The following CACNA1E variants were observed in gnomAD, a reference collection of about 807,000 sequenced individuals.
CACNA1E encodes the protein voltage-dependent R-type calcium channel subunit alpha-1E.
CACNA1E carries 40 observed loss-of-function variants against 259.2 expected under a neutral mutation model. The ratio of observed to expected loss-of-function variants is 0.15; its 90% CI spans 0.12 to 0.20. The LOEUF is 0.20. CACNA1E is among the 10% of genes least tolerant of loss of function. The pLI, the probability that CACNA1E is intolerant of heterozygous loss-of-function variation, is 1.00. For synonymous variants in CACNA1E, 1,104 were observed against 1,138.5 expected (o/e 0.97, Z 0.61); for missense variants, 1,874 against 3,040.1 (o/e 0.62, Z 9.02).
At chr1:181,547,665 A>G (rs945745792) in intron 3 of CACNA1E, among the ~76,000 whole-genome samples, 2 of 152,256 alleles carry the variant, frequency 1.3e-5, no homozygotes, top group African/African-American at 4.8e-5. Flanking sequence ...GCTGACTGGG[A>G]TGTTGTCATC....
Position 181,733,023 on chromosome 1 carries a change from G to A in CACNA1E, c.2937G>A (p.Gln979=). Residue 979 remains glutamine, a synonymous_variant, in exon 20 of 48, where the codon CAG becomes CAA. Transcript: ENST00000367573. ...KEPTIQEERA[Q]DLRRTNSLMV... is the part of the protein sequence containing the mutation. ...CAACGATCCAAGAAGAGAGAGCCCA[G>A]GATTTAAGGAGGTGAGTGAGTCACA... 1.2e-6 allele frequency: 2 copies of A among 1,600,932 alleles called. No homozygotes were observed. Among genetic ancestry groups the A allele is most frequent in the Non-Finnish European group, 1.7e-6 (2 of 1,173,214 alleles).
chr1:181,501,385 A>C (rs560613875), intron 1 of CACNA1E, among the ~76,000 whole-genome samples: 1 of 152,308 alleles, frequency 6.6e-6, no homozygotes, highest in South Asian at 2.1e-4. Flanking sequence ...TGGTTCACCA[A>C]AGTAGCAATC....
intron 2 of CACNA1E, among the ~76,000 whole-genome samples, chr1:181,441,844 G>T (rs1660497431): frequency 6.6e-6 from 1 of 152,182 alleles, no homozygotes; most frequent in African/African-American, 2.4e-5. Context: ...AAAGGGGCCA[G>T]AGAAAGTGGC....
chr1:181,540,816 C>T (rs1248197400), intron 3 of CACNA1E, among the ~76,000 whole-genome samples: 1 of 152,186 alleles, frequency 6.6e-6, no homozygotes, highest in East Asian at 1.9e-4. Flanking sequence ...CAGGTATAAT[C>T]ATTTCTTGGA....
intron 2 of CACNA1E, among the ~76,000 whole-genome samples, chr1:181,431,233 C>G (rs1385284196): frequency 1.3e-5 from 2 of 152,024 alleles, no homozygotes; most frequent in Non-Finnish European, 2.9e-5. Flanking sequence ...GCTGAAATTG[C>G]GGAGTGAGTT....
At chr1:181,552,911 A>G (rs567856379) in intron 3 of CACNA1E, among the ~76,000 whole-genome samples, 1 of 152,308 alleles carries the variant, frequency 6.6e-6, no homozygotes, top group East Asian at 1.9e-4. Context: ...GCCTTGTAGT[A>G]TAGTTTGAAA....
intron 3 of CACNA1E, among the ~76,000 whole-genome samples, chr1:181,541,292 A>G (rs1668563129): frequency 6.6e-6 from 1 of 152,222 alleles, no homozygotes; most frequent in Non-Finnish European, 1.5e-5. Context: ...ATTTAGAAAG[A>G]AGTTGAAGCT....
At chr1:181,626,263 T>C (rs1450255450) in intron 6 of CACNA1E, among the ~76,000 whole-genome samples, 2 of 152,182 alleles carry the variant, frequency 1.3e-5, no homozygotes, top group Non-Finnish European at 2.9e-5. Flanking sequence ...TCCATAGTCT[T>C]ATTAGACTCA....
intron 7 of CACNA1E, among the ~76,000 whole-genome samples, chr1:181,671,907 A>G (rs1256180502): frequency 1.3e-5 from 2 of 152,234 alleles, no homozygotes; most frequent in African/African-American, 2.4e-5. Flanking sequence ...AGGAATATAA[A>G]TCATTCTACT....
At chr1:181,532,017 T>C (rs1667826290) in intron 3 of CACNA1E, among the ~76,000 whole-genome samples, 3 of 152,012 alleles carry the variant, frequency 2.0e-5, no homozygotes, top group African/African-American at 7.2e-5. Flanking sequence ...CATTGCACCG[T>C]TGCACTCCAG....
At chr1:181,701,890 TCAA>T (rs1203837104) in intron 7 of CACNA1E, among the ~76,000 whole-genome samples, 1 of 152,172 alleles carries the variant, frequency 6.6e-6, no homozygotes, top group Non-Finnish European at 1.5e-5. Flanking sequence ...TGCAGCAATA[TCAA>T]CAACAATTTA....
chr1:181,597,044 C>T (rs1218499551), intron 6 of CACNA1E, among the ~76,000 whole-genome samples: 1 of 152,112 alleles, frequency 6.6e-6, no homozygotes, highest in Non-Finnish European at 1.5e-5. Flanking sequence ...GCCTCCTCCC[C>T]TCCCTTTGAA....
At chr1:181,753,903 A>C (rs1657820077) in intron 27 of CACNA1E, among the ~76,000 whole-genome samples, 1 of 152,182 alleles carries the variant, frequency 6.6e-6, no homozygotes, top group South Asian at 2.1e-4. Flanking sequence ...GCCCTGGCCC[A>C]CCGCGTGGGT....
At chr1:181,536,546 A>G (rs1377197048) in intron 3 of CACNA1E, among the ~76,000 whole-genome samples, 1 of 152,146 alleles carries the variant, frequency 6.6e-6, no homozygotes, top group Non-Finnish European at 1.5e-5. Flanking sequence ...ATTGAGTATA[A>G]GTTCTTTGAT....
At chr1:181,354,614 G>A (rs1653285995) in intron 1 of CACNA1E, among the ~76,000 whole-genome samples, 1 of 152,190 alleles carries the variant, frequency 6.6e-6, no homozygotes, top group South Asian at 2.1e-4. Flanking sequence ...TTCCCACAGT[G>A]CACATGGCTC....
chr1:181,754,256 C>T (rs1275616406), intron 27 of CACNA1E, among the ~76,000 whole-genome samples: 7 of 152,226 alleles, frequency 4.6e-5, no homozygotes, highest in Non-Finnish European at 1.0e-4. Flanking sequence ...TAGTTCCTCG[C>T]TCTGCAGCTC....
intron 6 of CACNA1E, among the ~76,000 whole-genome samples, chr1:181,588,297 A>T (rs144804357): frequency 5.7e-4 from 86 of 152,172 alleles, no homozygotes; most frequent in African/African-American, 2.0e-3. Context: ...TTTTAAACAC[A>T]CTTAACGTTG....
intron 7 of CACNA1E, among the ~76,000 whole-genome samples, chr1:181,702,787 G>T (rs774677384): frequency 1.3e-5 from 2 of 152,026 alleles, no homozygotes. Context: ...CCTCAGTGAG[G>T]CCCTCCCTGG....
At chr1:181,322,526 C>T (rs558866348) in intron 1 of CACNA1E, among the ~76,000 whole-genome samples, 37 of 152,238 alleles carry the variant, frequency 2.4e-4, no homozygotes, top group African/African-American at 6.0e-4. Flanking sequence ...CTGGCAGAAG[C>T]GAAGATGTGT....
Sources: allele counts gnomAD v4.1 joint callset (sites outside exome capture counted in the v4.1 genomes callset), GRCh38; gene constraint gnomAD v4.1.1; transcripts MANE v1.5; gene names NCBI Gene and HGNC (gene_info 2026-07-23, HGNC 2026-07-21).